Variants in STXBP4 observed in about 807,000 individuals in gnomAD.
STXBP4 encodes syntaxin-binding protein 4.
In STXBP4, 55 loss-of-function variants were observed where a neutral mutation model predicts 76.1. The observed-to-expected ratio is 0.72, with a 90% confidence interval of 0.58 to 0.91. The LOEUF is 0.91. Ranked by LOEUF, STXBP4 falls within the 40% of genes least tolerant of loss-of-function variation. The pLI is 0.00. For synonymous variants in STXBP4, 201 were observed against 220.2 expected, an observed-to-expected ratio of 0.91 and a Z score of 0.77; for missense variants, 618 against 636.9, an observed-to-expected ratio of 0.97 and a Z score of 0.32.
the STXBP4 span, among the ~76,000 whole-genome samples, chr17:55,198,113 C>G: frequency 6.6e-6 from 1 of 152,156 alleles, no homozygotes; most frequent in Non-Finnish European, 1.5e-5. Flanking sequence ...TGGCATACAC[C>G]CCATGCAAAT....
the STXBP4 span, among the ~76,000 whole-genome samples, chr17:55,207,794 G>A: frequency 2.6e-5 from 4 of 152,146 alleles, no homozygotes; most frequent in African/African-American, 4.8e-5. Flanking sequence ...ATGCACGCAC[G>A]TGCGCACGTG....
At chr17:55,017,633 A>G (rs1481694885) in intron 8 of STXBP4, among the ~76,000 whole-genome samples, 2 of 152,230 alleles carry the variant, frequency 1.3e-5, no homozygotes, top group East Asian at 3.9e-4. Flanking sequence ...GGGTGCACGC[A>G]TGGGCGACTG....
At chr17:55,143,279 G>A (rs2080114422) in intron 17 of STXBP4, among the ~76,000 whole-genome samples, 1 of 152,172 alleles carries the variant, frequency 6.6e-6, no homozygotes, top group African/African-American at 2.4e-5. Flanking sequence ...CCAAAGAAAT[G>A]CATGATTAAA....
chr17:55,154,569 C>G (rs1482062142), intron 17 of STXBP4, among the ~76,000 whole-genome samples: 1 of 152,128 alleles, frequency 6.6e-6, no homozygotes, highest in African/African-American at 2.4e-5. Flanking sequence ...AAAACAGCAT[C>G]AATTTTTAAG....
chr17:55,061,296 T>G (rs1229820092), intron 12 of STXBP4, among the ~76,000 whole-genome samples: 1 of 152,176 alleles, frequency 6.6e-6, no homozygotes, highest in Non-Finnish European at 1.5e-5. Flanking sequence ...TTTTCACACT[T>G]TTAAAGATTG....
chr17:55,100,538 T>C (rs8068337), intron 16 of STXBP4, among the ~76,000 whole-genome samples: 53,238 of 152,108 alleles, frequency 0.35, 10,410 homozygotes, highest in East Asian at 0.54. Context: ...CTTTTACACA[T>C]AGTGTTAGGG....
chr17:55,119,922 A>C (rs992248623), intron 16 of STXBP4, among the ~76,000 whole-genome samples: 1 of 152,092 alleles, frequency 6.6e-6, no homozygotes, highest in African/African-American at 2.4e-5. Context: ...TTGTGTTTCT[A>C]TAGCTAGCCT....
At chr17:55,051,550 G>A (rs2078859261) in intron 12 of STXBP4, among the ~76,000 whole-genome samples, 1 of 152,108 alleles carries the variant, frequency 6.6e-6, no homozygotes, top group Non-Finnish European at 1.5e-5. Flanking sequence ...TTGTTGAGAA[G>A]CAGAATCTCA....
At chr17:55,120,594 A>G (rs1229376920) in intron 16 of STXBP4, among the ~76,000 whole-genome samples, 1 of 152,242 alleles carries the variant, frequency 6.6e-6, no homozygotes, top group Non-Finnish European at 1.5e-5. Context: ...CAAGTTTACC[A>G]TCATTACAAA....
At chr17:55,137,277 C>G (rs1201791719) in intron 16 of STXBP4, among the ~76,000 whole-genome samples, 4 of 147,056 alleles carry the variant, frequency 2.7e-5, no homozygotes, top group African/African-American at 1.0e-4. Context: ...TCCATGTTCC[C>G]TCCCTCCCTC....
At chr17:55,114,836 G>A (rs186957535) in intron 16 of STXBP4, among the ~76,000 whole-genome samples, 5 of 151,800 alleles carry the variant, frequency 3.3e-5, no homozygotes, top group Non-Finnish European at 5.9e-5. Context: ...GGCCCTTTGG[G>A]TATGACAATC....
chr17:55,193,645 AAAAAC>A, the STXBP4 span, among the ~76,000 whole-genome samples: 18 of 152,160 alleles, frequency 1.2e-4, no homozygotes, highest in South Asian at 1.7e-3. Context: ...CAAAAAAAGG[AAAAAC>A]AAAACAAAAC....
chr17:55,212,960 G>A, the STXBP4 span, among the ~76,000 whole-genome samples: 4 of 152,126 alleles, frequency 2.6e-5, no homozygotes, highest in African/African-American at 7.2e-5. Flanking sequence ...AAGAGTGTAG[G>A]ATGCTTGCTT....
At chr17:55,150,353 C>T (rs983332960) in intron 17 of STXBP4, among the ~76,000 whole-genome samples, 3 of 152,186 alleles carry the variant, frequency 2.0e-5, no homozygotes, top group African/African-American at 4.8e-5. Context: ...TCTCTTTGTA[C>T]ACAGAGAGAG....
chr17:55,078,130 G>T lies in STXBP4; in HGVS notation c.1241G>T (p.Arg414Leu), dbSNP rs549004159. 1 of 1,612,302 alleles carries T rather than the reference G, an allele frequency of 6.2e-7. No homozygotes were observed. The stretch of plus-strand genomic sequence containing the variant: ...ATCATGGTACTCGACTGCCAATTAC[G>T]AAAATCAGAAATGGCTCGAAAAACT... ...KRIMVLDCQL[R>L]KSEMARKTFE... Residue 414 changes from arginine (R) to leucine (L), a missense_variant, in exon 14 of 18, where the codon CGA (arginine) becomes CTA (leucine). By Grantham distance (102) the Arg-to-Leu change is moderately radical. Coordinates refer to ENST00000376352, the MANE Select transcript of STXBP4 (RefSeq NM_178509.6).
At chr17:54,993,931 T>A (rs1274186719) in intron 4 of STXBP4, among the ~76,000 whole-genome samples, 1 of 152,218 alleles carries the variant, frequency 6.6e-6, no homozygotes, top group African/African-American at 2.4e-5. Flanking sequence ...AGAAATTTTC[T>A]TTAATTATTC....
intron 1 of STXBP4, among the ~76,000 whole-genome samples, chr17:54,977,562 G>A (rs1284684702): frequency 6.6e-6 from 1 of 152,222 alleles, no homozygotes; most frequent in Non-Finnish European, 1.5e-5. Flanking sequence ...CCTGGAACAA[G>A]TTCCCTGAAA....
intron 11 of STXBP4, among the ~76,000 whole-genome samples, chr17:55,046,312 T>A (rs1386022336): frequency 6.6e-6 from 1 of 151,968 alleles, no homozygotes; most frequent in African/African-American, 2.4e-5. Flanking sequence ...TCATTTCACC[T>A]CTTAGACAAG....
rs59163531 is a variant in STXBP4, at chr17:55,052,916, C to CGTGTGTGTGT, written c.1011+5788_1011+5797dup. Among the ~76,000 whole-genome samples the CGTGTGTGTGT allele has an allele frequency of 1.6e-4, 15 of 95,700 alleles. 1 individual carries two copies. The highest frequency in any genetic ancestry group is 8.9e-4 in the South Asian group (2 of 2,244). 62.8% of individuals were successfully genotyped at this position (95,700 alleles called of 152,430 possible). A position where few individuals can be genotyped will look rare whatever the true frequency, so the allele number is the denominator to read the frequency against. ...AAAAAAAAAAAAAAGACGTGTATGA[C>CGTGTGTGTGT]GTGTGTGTGTGTGTGTGTGTGTGTG... On this transcript the variant is annotated intron_variant, in intron 12 of 17. Transcript: ENST00000376352.
Sources: gnomAD v4.1 joint callset for allele counts (sites outside exome capture counted in the v4.1 genomes callset) on GRCh38, gnomAD v4.1.1 for gene constraint, MANE v1.5 for transcripts, NCBI Gene and HGNC (gene_info 2026-07-23, HGNC 2026-07-21) for gene names.